PFKM: variants seen among roughly 807,000 people sequenced by gnomAD.
The protein encoded by PFKM is phosphofructokinase, muscle.
In PFKM, 58 loss-of-function variants were observed where a neutral mutation model predicts 95.5. The observed-to-expected ratio is 0.61, with a 90% CI of 0.49 to 0.76. The LOEUF (loss-of-function observed/expected upper bound fraction) is 0.76, where lower values mean the gene tolerates loss of function less well. Among genes scored for constraint, PFKM ranks in the 30% least tolerant of loss-of-function variants. The pLI is 0.00. For missense variants in PFKM, 678 were observed against 1,005.4 expected (o/e 0.67, Z 4.40); for synonymous variants, 336 against 357.2 (o/e 0.94, Z 0.67).
rs1946575243 is a variant in PFKM at position 48,106,193 on chromosome 12, G to A, written c.-10+56G>A. 7.3e-6 allele frequency: 5 copies of A among 681,360 alleles called. No individual in the cohort carries two copies. In the South Asian group the frequency reaches 7.5e-5, roughly 10 times the overall value. 42.2% of individuals were successfully genotyped at this position (681,360 alleles called of 1,614,324 possible). A position where few individuals can be genotyped will look rare whatever the true frequency, so the allele number is the denominator to read the frequency against. ...GGTCAAAGAACAGAGTTAAGGACCA[G>A]TGGGGCGCCTGCGCGGTGTGGCGAG... On this transcript the variant is annotated intron_variant, in intron 1 of 24. Coordinates refer to the PFKM transcript ENST00000340802.
At chr12:48,105,987 C>T (rs1946544454) in exon 1 of PFKM, 1 of 700,268 alleles carries the variant, frequency 1.4e-6, no homozygotes, top group South Asian at 1.5e-5. Flanking sequence ...ACCAGGCTCC[C>T]TCCATCCTCA....
intron 10 of PFKM, among the ~76,000 whole-genome samples, chr12:48,136,127 TC>T (rs1950067021): frequency 6.6e-6 from 1 of 152,158 alleles, no homozygotes; most frequent in South Asian, 2.1e-4. Flanking sequence ...GACCTTGTGA[TC>T]CACCCGCCTC....
rs538555965 is a variant in PFKM, at chr12:48,135,881, CATT to C, written c.936+517_936+519del. 2.8e-3 allele frequency among the ~76,000 whole-genome samples: 427 copies of C among 151,706 alleles called. 2 individuals are homozygous for C. Among genetic ancestry groups the C allele is most frequent in the Middle Eastern group, 0.017 (5 of 292 alleles). ...TACTTTACCCCCACCCATCCCTCCT[CATT>C]ATTATTATTATTATTATTTTTTGAG... On this transcript the variant is annotated intron_variant, in intron 10 of 22. Coordinates refer to ENST00000359794, the MANE Select transcript of PFKM (RefSeq NM_000289.6).
At chr12:48,109,107 C>T (rs1470112102) in intron 3 of PFKM, among the ~76,000 whole-genome samples, 1 of 152,132 alleles carries the variant, frequency 6.6e-6, no homozygotes, top group Non-Finnish European at 1.5e-5. Context: ...TCCCTAGGAG[C>T]TTATGATTAA....
intron 10 of PFKM, 39 bp from the exon 11 acceptor site, chr12:48,137,682 G>C (rs776724086): frequency 3.1e-6 from 5 of 1,613,896 alleles, no homozygotes; most frequent in Non-Finnish European, 3.4e-6. Flanking sequence ...AGATGGGGCA[G>C]CCTGAGCCAG....
intron 2 of PFKM, among the ~76,000 whole-genome samples, chr12:48,129,243 T>TG (rs1565877213): frequency 1.0e-5 from 1 of 96,178 alleles, no homozygotes; most frequent in Non-Finnish European, 1.9e-5. Context: ...TTTTTTTTTT[T>TG]ACAGATGGAG....
chr12:48,145,169 G>T lies in PFKM; in HGVS notation c.2092+39G>T. 2 of 1,610,394 alleles carry T rather than the reference G, an allele frequency of 1.2e-6. No individual in the cohort carries two copies. The highest frequency in any genetic ancestry group is 1.7e-6 in the Non-Finnish European group (2 of 1,176,628). On this transcript the variant is annotated intron_variant, in intron 21 of 22. Transcript: ENST00000359794. This position sits in a 1 kb window ranked among gnomAD's most constrained non-coding sequence, Gnocchi z 4.3. ...GAGCGAGTGCCCTCTATAGAGGCTG[G>T]TTCCCCAGTATAGAAGCTGACTGCC... is the stretch of plus-strand genomic sequence containing the variant.
chr12:48,125,260 C>A, intron 2 of PFKM: 1 of 431,158 alleles, frequency 2.3e-6, no homozygotes, highest in Non-Finnish European at 4.6e-6. Flanking sequence ...TCTGCTCTGG[C>A]CCTCTGTCTC....
At chr12:48,120,131 T>A (rs551837756) in intron 1 of PFKM, among the ~76,000 whole-genome samples, 2 of 152,278 alleles carry the variant, frequency 1.3e-5, no homozygotes, top group South Asian at 4.1e-4. Context: ...TTTGCCCTAG[T>A]CACTTAATCT....
chr12:48,143,122 C>G (rs1321456139), intron 18 of PFKM, among the ~76,000 whole-genome samples, 176 bp downstream of exon 18: 1 of 152,200 alleles, frequency 6.6e-6, no homozygotes, highest in Admixed American at 6.5e-5. Flanking sequence ...TATGCATGAC[C>G]GCAGCTACTG....
rs192099459 is a variant in PFKM at position 48,130,939 on chromosome 12, C to T, written c.160-377C>T. On this transcript the variant is annotated intron_variant, in intron 3 of 22. Coordinates refer to ENST00000359794, the MANE Select transcript of PFKM (RefSeq NM_000289.6). Reference sequence around the variant, plus strand: ...TTTTATAATCTTTTAGAGCAAGTCGCGTTTCTTTCCTTCCCTCCCACCAAC... The same window carrying T: ...TTTTATAATCTTTTAGAGCAAGTCGTGTTTCTTTCCTTCCCTCCCACCAAC... Among the ~76,000 whole-genome samples, 56 of 152,268 alleles carry T rather than the reference C, an allele frequency of 3.7e-4. 2 individuals are homozygous for T. The highest frequency in any genetic ancestry group is 3.0e-3 in the Admixed American group (46 of 15,296).
At chr12:48,139,404 C>T in intron 12 of PFKM, 55 bp downstream of exon 12, 10 of 1,335,968 alleles carry the variant, frequency 7.5e-6, no homozygotes, top group Non-Finnish European at 1.1e-5. Flanking sequence ...GTGAACGAAG[C>T]CAAAGATCTC....
At chr12:48,140,913 G>C in intron 14 of PFKM, 42 bp downstream of exon 14, 1 of 1,607,162 alleles carries the variant, frequency 6.2e-7, no homozygotes, top group South Asian at 1.1e-5. Flanking sequence ...TCATGGGGAA[G>C]ATAAGTGTAG....
intron 2 of PFKM, among the ~76,000 whole-genome samples, chr12:48,129,243 T>A (rs74089111): frequency 1.1e-4 from 11 of 96,240 alleles, no homozygotes; most frequent in African/African-American, 1.9e-4. Flanking sequence ...TTTTTTTTTT[T>A]ACAGATGGAG....
rs759084382 is a variant in PFKM, at chr12:48,139,359, T to C, written c.1127+10T>C. On this transcript the variant is annotated intron_variant, in intron 12 of 22. Transcript: ENST00000359794. ...TGAAGCTGAGAGGCCGGTGAGGAGA[T>C]GACGGGAAGCTCACTAGCTACAGAA... The C allele has an allele frequency of 8.1e-6, 13 of 1,609,404 alleles. No homozygotes were observed. The East Asian group carries it at 2.0e-4, about 25-fold the overall frequency.
At chr12:48,135,421 C>A in intron 10 of PFKM, 38 bp downstream of exon 10, 1 of 1,459,566 alleles carries the variant, frequency 6.9e-7, no homozygotes, top group South Asian at 1.1e-5. Context: ...TGCCTTGAAA[C>A]CCTCAACCTT....
chr12:48,140,904 C>T, intron 14 of PFKM, 33 bp downstream of exon 14: 1 of 1,611,974 alleles, frequency 6.2e-7, no homozygotes, highest in South Asian at 1.1e-5. Context: ...TAGGAGCAGT[C>T]ATGGGGAAGA....
chr12:48,134,081 TC>T, intron 6 of PFKM, 150 bp from the exon 7 acceptor site: 1 of 766,108 alleles, frequency 1.3e-6, no homozygotes, highest in Admixed American at 1.8e-5. Context: ...CTAAAGTATT[TC>T]CCCTAGGTCT....
At chr12:48,124,600 T>C (rs1335587951) in intron 2 of PFKM, among the ~76,000 whole-genome samples, 1 of 152,162 alleles carries the variant, frequency 6.6e-6, no homozygotes, top group African/African-American at 2.4e-5. Context: ...GAGACCCTCT[T>C]ATTCTAGTGA....
Sources: allele counts gnomAD v4.1 joint callset (sites outside exome capture counted in the v4.1 genomes callset), GRCh38; gene constraint gnomAD v4.1.1; non-coding constraint Gnocchi (gnomAD v3.1); transcripts MANE v1.5; gene names NCBI Gene and HGNC (gene_info 2026-07-23, HGNC 2026-07-21).